The following MBOAT2 variants were observed in gnomAD, a reference collection of about 807,000 sequenced individuals.
The protein encoded by MBOAT2 is membrane-bound glycerophospholipid O-acyltransferase 2.
MBOAT2 carries 28 observed loss-of-function variants against 63.4 expected under a neutral mutation model. The ratio of observed to expected loss-of-function variants is 0.44; its 90% CI spans 0.33 to 0.61. The LOEUF (loss-of-function observed/expected upper bound fraction) is 0.61. MBOAT2 is among the 20% of genes least tolerant of loss of function. The pLI is 0.03. For synonymous variants in MBOAT2, 211 were observed against 215.6 expected (o/e 0.98, Z 0.19); for missense variants, 470 against 605.8 (o/e 0.78, Z 2.35).
Position 8,877,231 on chromosome 2 carries a change from G to A in MBOAT2, c.507-18C>T. 6.2e-7 allele frequency: 1 copy of A among 1,603,962 alleles called. No homozygotes were observed. Among genetic ancestry groups the A allele is most frequent in the Non-Finnish European group, 8.5e-7 (1 of 1,175,410 alleles). ...GCATGCGCCTGCAATGAAAAGACAT[G>A]CAACCAGTGAGATGCAGCATAAGCT... On this transcript the variant is annotated intron_variant, in intron 6 of 12. Coordinates refer to ENST00000305997, the MANE Select transcript of MBOAT2 (RefSeq NM_138799.4).
rs1397421605 is a variant in MBOAT2 at position 8,860,388 on chromosome 2, T to A, written c.1337+225A>T. Among the ~76,000 whole-genome samples, 3 of 152,208 alleles carry A rather than the reference T, an allele frequency of 2.0e-5. No individual in the cohort carries two copies. The East Asian group carries it at 5.8e-4, about 29-fold the overall frequency. On this transcript the variant is annotated intron_variant, in intron 12 of 12. Transcript: ENST00000305997. ...AGGTTTGAGGCAGTGGTTACCTGGCTGATATTTCTCTGTCTAAATCACTCA... is the reference window on the plus strand; with the variant it reads ...AGGTTTGAGGCAGTGGTTACCTGGCAGATATTTCTCTGTCTAAATCACTCA...
intron 1 of MBOAT2, among the ~76,000 whole-genome samples, chr2:8,963,234 T>C (rs555508975): frequency 2.0e-4 from 28 of 139,158 alleles, no homozygotes; most frequent in South Asian, 5.1e-4. Flanking sequence ...TGAGAGCCTG[T>C]CTCAAAAAAA....
At chr2:8,967,946 G>C (rs528246577) in intron 1 of MBOAT2, among the ~76,000 whole-genome samples, 2 of 152,150 alleles carry the variant, frequency 1.3e-5, no homozygotes, top group South Asian at 4.2e-4. Flanking sequence ...GGCCGAATAG[G>C]AACAGCTCCA....
chr2:8,907,037 C>T (rs1278237315), intron 4 of MBOAT2, among the ~76,000 whole-genome samples: 3 of 152,188 alleles, frequency 2.0e-5, no homozygotes, highest in South Asian at 4.1e-4. Flanking sequence ...CATGATTTTA[C>T]AGTATCGTTA....
chr2:8,973,871 A>G (rs1670634522), intron 1 of MBOAT2, among the ~76,000 whole-genome samples: 1 of 152,204 alleles, frequency 6.6e-6, no homozygotes, highest in Admixed American at 6.5e-5. Context: ...AGTATTTAAT[A>G]TATACTGACA....
At chr2:8,886,638 A>G (rs1307974819) in intron 5 of MBOAT2, among the ~76,000 whole-genome samples, 2 of 152,260 alleles carry the variant, frequency 1.3e-5, no homozygotes, top group Non-Finnish European at 2.9e-5. Flanking sequence ...ACTAATCACA[A>G]TCTAAACTGT....
intron 2 of MBOAT2, among the ~76,000 whole-genome samples, chr2:8,957,385 A>C (rs1669302611): frequency 6.6e-6 from 1 of 152,242 alleles, no homozygotes; most frequent in South Asian, 2.1e-4. Flanking sequence ...GTCATATTTA[A>C]ATCTCAATAC....
At chr2:8,959,512 A>G (rs1482979614) in intron 1 of MBOAT2, among the ~76,000 whole-genome samples, 2 of 146,944 alleles carry the variant, frequency 1.4e-5, no homozygotes, top group Non-Finnish European at 3.0e-5. Context: ...CCCAGGCTGG[A>G]CTGCAGTGGT....
At chr2:8,998,328 G>T (rs559822638) in intron 1 of MBOAT2, among the ~76,000 whole-genome samples, 17 of 152,322 alleles carry the variant, frequency 1.1e-4, no homozygotes, top group Admixed American at 1.1e-3. Context: ...ACAGGAGAGA[G>T]AAATGAGTTA....
chr2:8,860,636 T>C lies in MBOAT2; in HGVS notation c.1314A>G (p.Ile438Met). 3 of 1,613,330 alleles carry C rather than the reference T, an allele frequency of 1.9e-6. No homozygotes were observed. The highest frequency in any genetic ancestry group is 2.5e-6 in the Non-Finnish European group (3 of 1,179,772). Residue 438 changes from isoleucine to methionine, a missense_variant, in exon 12 of 13, where the codon ATA becomes ATG. Ile to Met is a conservative substitution (Grantham distance 10, BLOSUM62 1). This residue lies in a region of MBOAT2 where 4 missense variants were observed against 17.2 expected (regional missense o/e 0.23). Coordinates refer to ENST00000305997, the MANE Select transcript of MBOAT2 (RefSeq NM_138799.4). ...YTVVPFVLLS[I>M]KPSLTFYSSW... ...ACCTGTAAAACGTGAGTGATGGTTTTATAGAAAGAAGCACAAATGGCACAA... is the reference window on the plus strand; with the variant it reads ...ACCTGTAAAACGTGAGTGATGGTTTCATAGAAAGAAGCACAAATGGCACAA...
At chr2:8,940,538 C>T (rs999751185) in intron 3 of MBOAT2, among the ~76,000 whole-genome samples, 1 of 152,206 alleles carries the variant, frequency 6.6e-6, no homozygotes, top group Non-Finnish European at 1.5e-5. Context: ...AGTGATCCAC[C>T]TGCCTTGGCC....
At chr2:8,910,395 G>T (rs982813234) in intron 3 of MBOAT2, among the ~76,000 whole-genome samples, 1 of 152,142 alleles carries the variant, frequency 6.6e-6, no homozygotes, top group African/African-American at 2.4e-5. Context: ...ACATGAAAAA[G>T]AGATGATGCT....
Position 8,898,717 on chromosome 2 carries a change from G to A in MBOAT2, c.395+9904C>T, listed in dbSNP as rs571222536. Among the ~76,000 whole-genome samples, 42 of 152,340 alleles carry A rather than the reference G, an allele frequency of 2.8e-4. 1 individual carries two copies. Among genetic ancestry groups the A allele is most frequent in the Admixed American group, 3.9e-4 (6 of 15,302 alleles). On this transcript the variant is annotated intron_variant, in intron 4 of 12. Transcript: ENST00000305997. ...AAACCCTGGGGGCAAGACCGTCCAC[G>A]TAAGTTGGGACGTGTGGTCTGTGGG...
intron 2 of MBOAT2, among the ~76,000 whole-genome samples, chr2:8,950,265 G>C (rs1253252180): frequency 6.6e-6 from 1 of 152,098 alleles, no homozygotes; most frequent in East Asian, 1.9e-4. Flanking sequence ...CATCAGCAAA[G>C]ACCGAGAGTT....
intron 3 of MBOAT2, among the ~76,000 whole-genome samples, chr2:8,918,268 C>T (rs2148604595): frequency 6.6e-6 from 1 of 152,180 alleles, no homozygotes; most frequent in Admixed American, 6.5e-5. Flanking sequence ...TTGCACAAGC[C>T]CTTTGCAGAT....
chr2:8,874,861 C>A (rs1405287837), intron 7 of MBOAT2, among the ~76,000 whole-genome samples: 1 of 152,126 alleles, frequency 6.6e-6, no homozygotes, highest in African/African-American at 2.4e-5. Context: ...TTTGGTGCAC[C>A]CGAGTGTGGC....
At chr2:8,993,056 T>C (rs1039130582) in intron 1 of MBOAT2, among the ~76,000 whole-genome samples, 3 of 152,180 alleles carry the variant, frequency 2.0e-5, no homozygotes, top group African/African-American at 7.2e-5. Context: ...AGTCCTTTGT[T>C]CTCTATCAAT....
At chr2:8,995,245 A>G (rs1244694373) in intron 1 of MBOAT2, among the ~76,000 whole-genome samples, 1 of 152,154 alleles carries the variant, frequency 6.6e-6, no homozygotes, top group East Asian at 1.9e-4. Context: ...AAAGGAGAGA[A>G]AAAAAAATCA....
chr2:8,944,525 T>C (rs1008850160), intron 2 of MBOAT2, among the ~76,000 whole-genome samples: 1 of 152,172 alleles, frequency 6.6e-6, no homozygotes, highest in Non-Finnish European at 1.5e-5. Flanking sequence ...GGAAAAGTTA[T>C]GCAAAATTTT....
Sources: allele counts gnomAD v4.1 joint callset (sites outside exome capture counted in the v4.1 genomes callset), GRCh38; gene constraint gnomAD v4.1.1; regional missense constraint gnomAD v4.1.1; transcripts MANE v1.5; gene names NCBI Gene and HGNC (gene_info 2026-07-23, HGNC 2026-07-21).